The following CTNNAL1 variants were observed in gnomAD, a reference collection of about 807,000 sequenced individuals.
CTNNAL1 encodes the protein alpha-catulin.
In CTNNAL1, 69 loss-of-function variants were observed where a neutral mutation model predicts 93.6. The observed-to-expected ratio is 0.74, with a 90% CI of 0.61 to 0.90. The LOEUF (loss-of-function observed/expected upper bound fraction) is 0.90, where lower values mean the gene tolerates loss of function less well. Ranked by LOEUF, CTNNAL1 falls within the 40% of genes least tolerant of loss-of-function variation. The probability of loss-of-function intolerance (pLI) is 0.00; values close to 1 mark genes in which losing one functional copy is unlikely to be tolerated. For synonymous variants in CTNNAL1, 286 were observed against 305.4 expected (o/e 0.94, Z 0.66); for missense variants, 836 against 862.0 (o/e 0.97, Z 0.38).
chr9:108,952,867 T>A (rs752464808), intron 12 of CTNNAL1, among the ~76,000 whole-genome samples: 1 of 152,248 alleles, frequency 6.6e-6, no homozygotes, highest in Non-Finnish European at 1.5e-5. Flanking sequence ...AACAAGATTC[T>A]TATAATGCTT....
intron 2 of CTNNAL1, among the ~76,000 whole-genome samples, chr9:108,993,605 C>G (rs1357869018): frequency 1.3e-5 from 2 of 152,156 alleles, no homozygotes; most frequent in Non-Finnish European, 2.9e-5. Context: ...GCTATCAAAA[C>G]TTTTGATTTC....
In CTNNAL1 at chr9:108,979,253, T is replaced by G. The variant is rs1306568565; in HGVS notation, c.1101+28A>C. The stretch of plus-strand genomic sequence containing the variant: ...TTATGGGAAAGCCATTATATAAGAT[T>G]TACTTTGATTTTAAAAAAAGTTCTT... On this transcript the variant is annotated intron_variant, in intron 7 of 18. Transcript: ENST00000325551. 2.5e-6 allele frequency: 4 copies of G among 1,613,212 alleles called. No individual in the cohort carries two copies. In the South Asian group the frequency reaches 3.3e-5, roughly 13 times the overall value.
At chr9:108,972,861 T>C (rs756919651) in intron 8 of CTNNAL1, 28 bp from the exon 9 acceptor site, 23 of 165,140 alleles carry the variant, frequency 1.4e-4, no homozygotes, top group Non-Finnish European at 1.7e-4. Flanking sequence ...GGTGGGGGGG[T>C]GGGAGGGTGG....
chr9:108,949,002 A>G (rs1200141182), intron 14 of CTNNAL1, among the ~76,000 whole-genome samples: 1 of 152,208 alleles, frequency 6.6e-6, no homozygotes, highest in Non-Finnish European at 1.5e-5. Flanking sequence ...ATAAGGTACT[A>G]GTATGTTTGA....
At chr9:108,978,563 C>T (rs1161765812) in intron 7 of CTNNAL1, among the ~76,000 whole-genome samples, 3 of 152,142 alleles carry the variant, frequency 2.0e-5, no homozygotes, top group Non-Finnish European at 4.4e-5. Context: ...AGAGACATGT[C>T]CCAGGGCTCT....
chr9:109,013,314 C>A lies in CTNNAL1; in HGVS notation c.129G>T (p.Pro43=). 2 of 1,504,914 alleles carry A rather than the reference C, an allele frequency of 1.3e-6. No homozygotes were observed. Among genetic ancestry groups the A allele is most frequent in the Non-Finnish European group, 1.8e-6 (2 of 1,126,716 alleles). The allele number at this position is 1,504,914 out of a possible 1,614,324, so 93.2% of individuals were successfully genotyped here. Residue 43 remains proline, a synonymous_variant, in exon 1 of 19, where the codon CCG becomes CCT. Coordinates refer to ENST00000325551, the MANE Select transcript of CTNNAL1 (RefSeq NM_003798.4). The part of the protein sequence containing the change: ...KTRSVEQTLL[P]LVSQITTLIN... ...GGCGCCACTTTACCTGAGAAACCAG[C>A]GGGAGTAGCGTCTGCTCCACCGAGC...
At position 108,992,655 on chromosome 9, in the gene CTNNAL1, G is replaced by T. The variant is rs1831855644; in HGVS notation, c.496C>A (p.Gln166Lys). 6.2e-7 allele frequency: 1 copy of T among 1,612,652 alleles called. No individual in the cohort carries two copies. The highest frequency in any genetic ancestry group is 1.3e-5 in the African/African-American group (1 of 74,872). Residue 166 changes from glutamine to lysine, a missense_variant, in exon 3 of 19, where the codon CAG becomes AAG. Coordinates refer to ENST00000325551, the MANE Select transcript of CTNNAL1 (RefSeq NM_003798.4). ...ACCTTATTTCTTGATGTTATTATCT[G>T]TTTAATGACTACTCGGTCTGCCAGC... ...LLLADRVVIK[Q>K]IITSRNKVLA...
chr9:108,967,885 A>G (rs1004543226), intron 10 of CTNNAL1, among the ~76,000 whole-genome samples: 2 of 152,256 alleles, frequency 1.3e-5, no homozygotes, highest in African/African-American at 4.8e-5. Flanking sequence ...TAATATGATC[A>G]GGGCCATGTT....
intron 6 of CTNNAL1, among the ~76,000 whole-genome samples, chr9:108,982,315 A>T (rs920101358): frequency 9.2e-5 from 14 of 152,364 alleles, no homozygotes; most frequent in African/African-American, 3.4e-4. Flanking sequence ...AAGTTCATAT[A>T]TTTAAAGCAC....
intron 8 of CTNNAL1, 31 bp from the exon 9 acceptor site, chr9:108,972,864 G>GGGGGGCGCCCCCCCCCCCC: frequency 2.1e-5 from 3 of 142,582 alleles, no homozygotes; most frequent in Non-Finnish European, 3.0e-5. Context: ...GGGGGGGTGG[G>GGGGGGCGCCCCCCCCCCCC]AGGGTGGAGA....
intron 1 of CTNNAL1, among the ~76,000 whole-genome samples, chr9:109,000,521 A>G (rs975022000): frequency 7.9e-5 from 12 of 152,190 alleles, no homozygotes; most frequent in Admixed American, 3.3e-4. Flanking sequence ...AAACTTTAAT[A>G]TAACTGTTAT....
rs1315021004 is a variant in CTNNAL1 at position 108,972,747 on chromosome 9, T to G, written c.1275A>C (p.Gly425=). Residue 425 remains glycine (G), a synonymous_variant, in exon 9 of 19, where the codon GGA becomes GGC. Transcript: ENST00000325551. ...HVVLKALKLT[G]VEGNLEALAE... ...CCAAAGCTTCTAAATTTCCTTCTAC[T>G]CCAGTAAGTTTTAATGCTTTTAGAA... 6.2e-7 allele frequency: 1 copy of G among 1,612,322 alleles called. No homozygotes were observed. Among genetic ancestry groups the G allele is most frequent in the African/African-American group, 1.3e-5 (1 of 74,352 alleles).
chr9:108,992,072 T>C (rs1234123634), intron 3 of CTNNAL1: 2 of 768,894 alleles, frequency 2.6e-6, no homozygotes, highest in Admixed American at 1.7e-5. Flanking sequence ...TAGTCTCTGA[T>C]TTGGGAGGGA....
intron 1 of CTNNAL1, among the ~76,000 whole-genome samples, chr9:109,010,200 T>C (rs113173380): frequency 6.6e-6 from 1 of 152,170 alleles, no homozygotes; most frequent in African/African-American, 2.4e-5. Context: ...CCAGTGCGCC[T>C]GTGCCTTGTT....
intron 9 of CTNNAL1, among the ~76,000 whole-genome samples, chr9:108,970,924 A>G (rs966191061): frequency 1.3e-5 from 2 of 152,190 alleles, no homozygotes; most frequent in Non-Finnish European, 2.9e-5. Context: ...CTGTCTTCCA[A>G]TGGAGCTAAC....
intron 8 of CTNNAL1, among the ~76,000 whole-genome samples, chr9:108,974,396 G>A (rs1345655172): frequency 6.6e-6 from 1 of 151,984 alleles, no homozygotes; most frequent in Non-Finnish European, 1.5e-5. Context: ...TTGTGTCAAG[G>A]GCAGCAGGCT....
chr9:108,972,864 G>GCCCCCCCCCCCCC, intron 8 of CTNNAL1, 31 bp from the exon 9 acceptor site: 11 of 142,500 alleles, frequency 7.7e-5, no homozygotes, highest in East Asian at 2.2e-4. Flanking sequence ...GGGGGGGTGG[G>GCCCCCCCCCCCCC]AGGGTGGAGA....
intron 12 of CTNNAL1, among the ~76,000 whole-genome samples, chr9:108,952,996 A>AT (rs1378634722): frequency 6.6e-6 from 1 of 152,240 alleles, no homozygotes; most frequent in East Asian, 1.9e-4. Flanking sequence ...GGAAGGCTAA[A>AT]TTTCAACTCT....
intron 1 of CTNNAL1, among the ~76,000 whole-genome samples, chr9:109,005,855 C>T (rs949028133): frequency 4.6e-5 from 7 of 152,158 alleles, no homozygotes; most frequent in Non-Finnish European, 8.8e-5. Context: ...TCACTAGAAG[C>T]GCCTTCCCCA....
Sources: gnomAD v4.1 joint callset for allele counts (sites outside exome capture counted in the v4.1 genomes callset) on GRCh38, gnomAD v4.1.1 for gene constraint, MANE v1.5 for transcripts, NCBI Gene and HGNC (gene_info 2026-07-23, HGNC 2026-07-21) for gene names.